Variants in TAF10 observed in about 807,000 individuals in gnomAD.
TAF10 encodes the protein transcription initiation factor TFIID subunit 10.
A neutral mutation model predicts 18.1 loss-of-function variants in TAF10; 2 were observed. The observed-to-expected ratio is 0.11, with a 90% CI of 0.05 to 0.35. The LOEUF (loss-of-function observed/expected upper bound fraction) is 0.35, where lower values mean the gene tolerates loss of function less well. Ranked by LOEUF, TAF10 falls within the 10% of genes least tolerant of loss-of-function variation. The probability of loss-of-function intolerance (pLI) is 1.00; values close to 1 mark genes in which losing one functional copy is unlikely to be tolerated. For synonymous variants in TAF10, 158 were observed against 134.6 expected (o/e 1.17, Z -1.20); for missense variants, 293 against 306.9 (o/e 0.95, Z 0.34).
Position 6,610,550 on chromosome 11 carries a change from C to G in TAF10, c.*372G>C. 1 of 1,614,220 alleles carries G rather than the reference C, an allele frequency of 6.2e-7. No individual in the cohort carries two copies. The highest frequency in any genetic ancestry group is 8.5e-7 in the Non-Finnish European group (1 of 1,180,028). Reference sequence around the variant, plus strand: ...ATGAAGATCTGCATGAATGAAGACCCTGCAAAGCGACCCAAATTTGACATG... The same window carrying G: ...ATGAAGATCTGCATGAATGAAGACCGTGCAAAGCGACCCAAATTTGACATG... On this transcript the variant is annotated 3_prime_UTR_variant, in exon 5 of 5. Coordinates refer to ENST00000299424, the MANE Select transcript of TAF10 (RefSeq NM_006284.4).
Position 6,610,627 on chromosome 11 carries a change from GC to G in TAF10, c.*294del. 1 of 1,614,070 alleles carries G rather than the reference GC, an allele frequency of 6.2e-7. No individual in the cohort carries two copies. Among genetic ancestry groups the G allele is most frequent in the East Asian group, 2.2e-5 (1 of 44,884 alleles). ...GGACAAGTAGGACTGGAAGGTCCTT[GC>G]CTGAACTCCAGAGGTGTCGGGACAT... On this transcript the variant is annotated 3_prime_UTR_variant, in exon 5 of 5. Coordinates refer to ENST00000299424, the MANE Select transcript of TAF10 (RefSeq NM_006284.4).
In TAF10 at chr11:6,608,959, C is replaced by T. The variant is rs1378123090; in HGVS notation, c.*1963G>A. On this transcript the variant is annotated 3_prime_UTR_variant, in exon 5 of 5. Transcript: ENST00000299424. The surrounding 1 kb of genome is among the most constrained non-coding windows in gnomAD (Gnocchi z 4.9). The stretch of plus-strand genomic sequence containing the variant: ...ACATTCTGGAAGGGGACCACCCGCA[C>T]TCGGCCCCGTGAGTCACCACTGTGG... The T allele has an allele frequency of 6.2e-7, 1 of 1,614,072 alleles. No homozygotes were observed. Among genetic ancestry groups the T allele is most frequent in the Non-Finnish European group, 8.5e-7 (1 of 1,180,016 alleles).
rs1193021185 is a variant in TAF10, at chr11:6,612,079, G to A, written c.111C>T (p.Thr37=). The A allele has an allele frequency of 3.2e-6, 4 of 1,259,090 alleles. No individual in the cohort carries two copies. The highest frequency in any genetic ancestry group is 4.0e-6 in the Non-Finnish European group (4 of 1,003,146). The allele number at this position is 1,259,090 out of a possible 1,614,324, so 78.0% of individuals were successfully genotyped here. The change falls in exon 1 of 5, where the codon ACC becomes ACT. Residue 37 remains threonine, a synonymous_variant. Transcript: ENST00000299424. ...VSAPAALPSS[T]AAENKASPAG... is the part of the protein sequence containing the mutation. ...CGGGGCTGGCCTTGTTCTCCGCGGC[G>A]GTGCTGGAGGGCAGCGCGGCGGGAG... is the stretch of plus-strand genomic sequence containing the variant.
chr11:6,610,716 T>C lies in TAF10; in HGVS notation c.*206A>G, dbSNP rs894065148. 8.4e-5 allele frequency: 121 copies of C among 1,446,936 alleles called. No homozygotes were observed. Among genetic ancestry groups the C allele is most frequent in the Admixed American group, 2.1e-4 (12 of 56,180 alleles). The allele number at this position is 1,446,936 out of a possible 1,614,324, so 89.6% of individuals were successfully genotyped here. On this transcript the variant is annotated 3_prime_UTR_variant, in exon 5 of 5. Transcript: ENST00000299424. ...TGGTTGCCTCCCCCGCCTCCAGTCA[T>C]GGTACTACCCCAGCCATGGGGTCCA...
At position 6,609,702 on chromosome 11, in the gene TAF10, T is replaced by C. The variant is rs1012498578; in HGVS notation, c.*1220A>G. 1.1e-5 allele frequency: 18 copies of C among 1,614,040 alleles called. No homozygotes were observed. Among genetic ancestry groups the C allele is most frequent in the Non-Finnish European group, 1.5e-5 (18 of 1,180,020 alleles). On this transcript the variant is annotated 3_prime_UTR_variant, in exon 5 of 5. Coordinates refer to ENST00000299424, the MANE Select transcript of TAF10 (RefSeq NM_006284.4). ...GCAGAGAGGGAGCCTCTCTGAACTA[T>C]TTGACTTTTGCCTCCTCTCAGATTT... is the stretch of plus-strand genomic sequence containing the variant.
At position 6,609,528 on chromosome 11, in the gene TAF10, A is replaced by G; in HGVS notation, c.*1394T>C. 4.3e-6 allele frequency: 7 copies of G among 1,614,084 alleles called. No individual in the cohort carries two copies. In the South Asian group the frequency reaches 7.7e-5, roughly 18 times the overall value. On this transcript the variant is annotated 3_prime_UTR_variant, in exon 5 of 5. Transcript: ENST00000299424. ...CTCTTCTAGGATTTTCTCGCATCCA[A>G]ATGTGCTCCCAGTGCTAGGTGCCTG...
Position 6,608,166 on chromosome 11 carries a change from C to G in TAF10, c.*2756G>C. 6.2e-7 allele frequency: 1 copy of G among 1,614,154 alleles called. No homozygotes were observed. Among genetic ancestry groups the G allele is most frequent in the Non-Finnish European group, 8.5e-7 (1 of 1,180,026 alleles). ...TAATGAACCGTGGGGATGACACCCC[C>G]CTGCATCTGGCAGCCAGTCATGGAC... is the stretch of plus-strand genomic sequence containing the variant. On this transcript the variant is annotated 3_prime_UTR_variant, in exon 5 of 5. Coordinates refer to ENST00000299424, the MANE Select transcript of TAF10 (RefSeq NM_006284.4). The surrounding 1 kb of genome is among the most constrained non-coding windows in gnomAD (Gnocchi z 4.9).
chr11:6,611,591 G>A, intron 2 of TAF10, 73 bp downstream of exon 2: 4 of 1,586,910 alleles, frequency 2.5e-6, no homozygotes, highest in Non-Finnish European at 3.4e-6. Context: ...AAATGGAAGA[G>A]AACGCTGAAA....
At position 6,609,183 on chromosome 11, in the gene TAF10, C is replaced by T. The variant is rs747363575; in HGVS notation, c.*1739G>A. 33 of 1,603,436 alleles carry T rather than the reference C, an allele frequency of 2.1e-5. 1 individual carries two copies. In the South Asian group the frequency reaches 3.5e-4, roughly 17 times the overall value. The stretch of plus-strand genomic sequence containing the variant: ...TGACCCCTGCCCTTCTTGCCCTTCC[C>T]TCACTAAACCCCCATAAATTACTTG... On this transcript the variant is annotated 3_prime_UTR_variant, in exon 5 of 5. Transcript: ENST00000299424.
rs1395592187 is a variant in TAF10, at chr11:6,609,046, G to A, written c.*1876C>T. The A allele has an allele frequency of 2.5e-6, 4 of 1,612,528 alleles. No homozygotes were observed. Among genetic ancestry groups the A allele is most frequent in the Non-Finnish European group, 2.5e-6 (3 of 1,178,558 alleles). The stretch of plus-strand genomic sequence containing the variant: ...TGGGGCTGGGTTAGGGTGAAGCTGG[G>A]TACCTGACCTGCCCACACTCTTAGG... On this transcript the variant is annotated 3_prime_UTR_variant, in exon 5 of 5. Coordinates refer to ENST00000299424, the MANE Select transcript of TAF10 (RefSeq NM_006284.4).
At position 6,607,454 on chromosome 11, in the gene TAF10, C is replaced by G. The variant is rs1182655517; in HGVS notation, c.*3468G>C. ...AGCATTTCTCCTTTTCAACATAAAC[C>G]CTTCCAAAACATCATTTAAATTCCA... On this transcript the variant is annotated 3_prime_UTR_variant, in exon 5 of 5. Transcript: ENST00000299424. The G allele has an allele frequency of 1.9e-5, 3 of 159,522 alleles. No individual in the cohort carries two copies. The highest frequency in any genetic ancestry group is 2.4e-5 in the African/African-American group (1 of 41,442). The allele number at this position is 159,522 out of a possible 1,614,324, so 9.9% of individuals were successfully genotyped here. A position where few individuals can be genotyped will look rare whatever the true frequency, so the allele number is the denominator to read the frequency against.
In TAF10 at chr11:6,610,908, T is replaced by A. The variant is rs1183632575; in HGVS notation, c.*14A>T. On this transcript the variant is annotated 3_prime_UTR_variant, in exon 5 of 5. Coordinates refer to ENST00000299424, the MANE Select transcript of TAF10 (RefSeq NM_006284.4). ...GGGACATGGGGACAGATAAGTACATTTAGGTTGGGTGGCTCAGGTGAAGTA... is the reference window on the plus strand; with the variant it reads ...GGGACATGGGGACAGATAAGTACATATAGGTTGGGTGGCTCAGGTGAAGTA... 1 of 1,613,904 alleles carries A rather than the reference T, an allele frequency of 6.2e-7. No individual in the cohort carries two copies. The highest frequency in any genetic ancestry group is 1.1e-5 in the South Asian group (1 of 91,076).
At position 6,609,995 on chromosome 11, in the gene TAF10, T is replaced by A. The variant is rs1589941606; in HGVS notation, c.*927A>T. On this transcript the variant is annotated 3_prime_UTR_variant, in exon 5 of 5. Transcript: ENST00000299424. ...CTGATGTCAAGTTCTCTTTCCAATGTCCTGGTCGCATGTATGCACCTGCCT... is the reference window on the plus strand; with the variant it reads ...CTGATGTCAAGTTCTCTTTCCAATGACCTGGTCGCATGTATGCACCTGCCT... 1.9e-6 allele frequency: 3 copies of A among 1,614,220 alleles called. No homozygotes were observed. Among genetic ancestry groups the A allele is most frequent in the South Asian group, 1.1e-5 (1 of 91,084 alleles).
At position 6,609,051 on chromosome 11, in the gene TAF10, T is replaced by A; in HGVS notation, c.*1871A>T. On this transcript the variant is annotated 3_prime_UTR_variant, in exon 5 of 5. Coordinates refer to ENST00000299424, the MANE Select transcript of TAF10 (RefSeq NM_006284.4). ...CTGGGTTAGGGTGAAGCTGGGTACC[T>A]GACCTGCCCACACTCTTAGGAAATG... The A allele has an allele frequency of 6.2e-7, 1 of 1,612,952 alleles. No homozygotes were observed. The highest frequency in any genetic ancestry group is 8.5e-7 in the Non-Finnish European group (1 of 1,178,918).
In TAF10 at chr11:6,610,460, A is replaced by G. The variant is rs748640419; in HGVS notation, c.*462T>C. On this transcript the variant is annotated 3_prime_UTR_variant, in exon 5 of 5. Coordinates refer to ENST00000299424, the MANE Select transcript of TAF10 (RefSeq NM_006284.4). ...AGGCTGCTTTTTTTCTTGTATTCGCAGGTGGCATTGGAAGGCCTTCGGCCT... is the reference window on the plus strand; with the variant it reads ...AGGCTGCTTTTTTTCTTGTATTCGCGGGTGGCATTGGAAGGCCTTCGGCCT... 5.0e-5 allele frequency: 80 copies of G among 1,614,108 alleles called. No individual in the cohort carries two copies. The highest frequency in any genetic ancestry group is 6.6e-5 in the Non-Finnish European group (78 of 1,180,040).
At position 6,610,510 on chromosome 11, in the gene TAF10, CAT is replaced by C. The variant is rs751224777; in HGVS notation, c.*410_*411del. 1.1e-5 allele frequency: 18 copies of C among 1,614,094 alleles called. No homozygotes were observed. Among genetic ancestry groups the C allele is most frequent in the Admixed American group, 3.3e-5 (2 of 60,006 alleles). On this transcript the variant is annotated 3_prime_UTR_variant, in exon 5 of 5. Coordinates refer to ENST00000299424, the MANE Select transcript of TAF10 (RefSeq NM_006284.4). ...TACCATCCCACCAGGTATTTCCCCT[CAT>C]GTGTGTAAGCTCATGAAGATCTGCA...
intron 1 of TAF10, 48 bp from the exon 2 acceptor site, chr11:6,611,866 C>T: frequency 1.3e-6 from 2 of 1,579,096 alleles, no homozygotes; most frequent in Middle Eastern, 1.7e-4. Flanking sequence ...AGGCGCAGGG[C>T]CCCAGCTAGG....
Position 6,611,765 on chromosome 11 carries a change from C to G in TAF10, c.286G>C (p.Val96Leu). 6.2e-7 allele frequency: 1 copy of G among 1,610,720 alleles called. No individual in the cohort carries two copies. Among genetic ancestry groups the G allele is most frequent in the Non-Finnish European group, 8.5e-7 (1 of 1,178,340 alleles). ...APPEGAISNG[V>L]YVLPSAANGD... ...TTGGCCGCGCTCGGCAGTACGTAAA[C>G]CCCGTTAGATATGGCCCCCTCCGGG... Residue 96 changes from valine to leucine, a missense_variant, in exon 2 of 5, where the codon GTT becomes CTT. Transcript: ENST00000299424.
rs1347766100 is a variant in TAF10, at chr11:6,608,111, T to C, written c.*2811A>G. 1 of 1,614,118 alleles carries C rather than the reference T, an allele frequency of 6.2e-7. No individual in the cohort carries two copies. Among genetic ancestry groups the C allele is most frequent in the Non-Finnish European group, 8.5e-7 (1 of 1,180,004 alleles). ...GAGGGCCGCTCTGCTGTGGTTGAGA[T>C]GTTGATCATGCGGGGGGCACGGATC... On this transcript the variant is annotated 3_prime_UTR_variant, in exon 5 of 5. Transcript: ENST00000299424. The surrounding 1 kb of genome is among the most constrained non-coding windows in gnomAD (Gnocchi z 4.9).
Sources: gnomAD v4.1 joint callset for allele counts on GRCh38, gnomAD v4.1.1 for gene constraint, Gnocchi (gnomAD v3.1) non-coding constraint, MANE v1.5 for transcripts, NCBI Gene and HGNC (gene_info 2026-07-23, HGNC 2026-07-21) for gene names.